ST8SIA3: variants seen among roughly 807,000 people sequenced by gnomAD.
The protein encoded by ST8SIA3 is ST8 alpha-N-acetyl-neuraminide alpha-2,8-sialyltransferase 3.
A neutral mutation model predicts 34.5 loss-of-function variants in ST8SIA3; 17 were observed. That is an observed-to-expected ratio of 0.49 (90% CI 0.34 to 0.74). The LOEUF (loss-of-function observed/expected upper bound fraction) is 0.74, where lower values mean the gene tolerates loss of function less well. ST8SIA3 is among the 30% of genes least tolerant of loss of function. ST8SIA3 has a pLI of 0.01. For missense variants in ST8SIA3, 354 were observed against 467.8 expected, an observed-to-expected ratio of 0.76 and a Z score of 2.24; for synonymous variants, 172 against 176.1, an observed-to-expected ratio of 0.98 and a Z score of 0.19.
chr18:57,352,675 C>T lies in ST8SIA3; in HGVS notation c.-172C>T, dbSNP rs765447264. Reference sequence around the variant, plus strand: ...TCCTGCCAGCCCCAACCCCCGGCCCCGGTGGCCTCCCCCCACCCCCGCCCG... The same window carrying T: ...TCCTGCCAGCCCCAACCCCCGGCCCTGGTGGCCTCCCCCCACCCCCGCCCG... On this transcript the variant is annotated 5_prime_UTR_variant, in exon 1 of 4. Coordinates refer to ENST00000324000, the MANE Select transcript of ST8SIA3 (RefSeq NM_015879.3). 2 of 391,764 alleles carry T rather than the reference C, an allele frequency of 5.1e-6. No homozygotes were observed. Among genetic ancestry groups the T allele is most frequent in the South Asian group, 1.9e-5 (1 of 53,268 alleles). 24.3% of individuals were successfully genotyped at this position (391,764 alleles called of 1,614,324 possible).
At chr18:57,355,238 T>C (rs1165769176) in intron 2 of ST8SIA3, among the ~76,000 whole-genome samples, 2 of 152,230 alleles carry the variant, frequency 1.3e-5, no homozygotes, top group Non-Finnish European at 2.9e-5. Context: ...TCAGTGATTC[T>C]GGTCTACTCT....
Position 57,360,534 on chromosome 18 carries a change from T to A in ST8SIA3, c.*257T>A, listed in dbSNP as rs2049824510. 2.2e-6 allele frequency: 1 copy of A among 453,342 alleles called. No individual in the cohort carries two copies. Among genetic ancestry groups the A allele is most frequent in the Non-Finnish European group, 3.9e-6 (1 of 255,292 alleles). The allele number at this position is 453,342 out of a possible 1,614,324, so 28.1% of individuals were successfully genotyped here. A position where few individuals can be genotyped will look rare whatever the true frequency, so the allele number is the denominator to read the frequency against. The stretch of plus-strand genomic sequence containing the variant: ...GGGACTATGCTGCTAACGAAATGGT[T>A]TGAAGTATTTTCATGTTTGGATTTT... On this transcript the variant is annotated 3_prime_UTR_variant, in exon 4 of 4. Coordinates refer to ENST00000324000, the MANE Select transcript of ST8SIA3 (RefSeq NM_015879.3).
rs767322017 is a variant in ST8SIA3, at chr18:57,354,449, C to A, written c.227C>A (p.Thr76Lys). ...KFLDPSFVPITNSLTQELQEK... is the reference protein window; with the variant it reads ...KFLDPSFVPIKNSLTQELQEK... ...CTAGACCCGTCATTCGTGCCCATTA[C>A]GAATTCTCTCACCCAGGAACTCCAA... Residue 76 changes from threonine to lysine, a missense_variant, in exon 2 of 4, where the codon ACG becomes AAG. Around this residue, in one of 3 missense-constraint regions of ST8SIA3, gnomAD observed 184 missense variants for 205.4 expected, o/e 0.90. Coordinates refer to ENST00000324000, the MANE Select transcript of ST8SIA3 (RefSeq NM_015879.3). 2 of 1,614,020 alleles carry A rather than the reference C, an allele frequency of 1.2e-6. No individual in the cohort carries two copies. Among genetic ancestry groups the A allele is most frequent in the Admixed American group, 1.7e-5 (1 of 60,002 alleles).
rs2049854272 is a variant in ST8SIA3, at chr18:57,365,275, A to G, written c.*4998A>G. ...CTAAATGCTTATCTCTCCTTGTGCGATTAGTTTCACATGTTCGTTGAGGTT... is the reference window on the plus strand; with the variant it reads ...CTAAATGCTTATCTCTCCTTGTGCGGTTAGTTTCACATGTTCGTTGAGGTT... On this transcript the variant is annotated 3_prime_UTR_variant, in exon 4 of 4. Transcript: ENST00000324000. 6.6e-6 allele frequency: 1 copy of G among 152,200 alleles called. No individual in the cohort carries two copies. Among genetic ancestry groups the G allele is most frequent in the Admixed American group, 6.5e-5 (1 of 15,284 alleles). The allele number at this position is 152,200 out of a possible 1,614,324, so 9.4% of individuals were successfully genotyped here.
chr18:57,354,802 G>A (rs2049789189), intron 2 of ST8SIA3, among the ~76,000 whole-genome samples: 1 of 149,896 alleles, frequency 6.7e-6, no homozygotes, highest in African/African-American at 2.5e-5. Context: ...GGGCTTGATT[G>A]AGCACCATGA....
At position 57,353,006 on chromosome 18, in the gene ST8SIA3, A is replaced by T. The variant is rs780919426; in HGVS notation, c.160A>T (p.Met54Leu). ...CAGCCCGGGGGCGCCCCGAATGTACATGTTCCACGCGGGATTCCGGTGAGT... is the reference window on the plus strand; with the variant it reads ...CAGCCCGGGGGCGCCCCGAATGTACTTGTTCCACGCGGGATTCCGGTGAGT... ...YASPGAPRMY[M>L]FHAGFRSQFA... is the part of the protein sequence containing the mutation. The change falls in exon 1 of 4, where the codon ATG (methionine) becomes TTG (leucine). Residue 54 changes from methionine (M) to leucine (L), a missense_variant. By Grantham distance (15) the Met-to-Leu change is conservative. Around this residue, in one of 3 missense-constraint regions of ST8SIA3, gnomAD observed 184 missense variants for 205.4 expected, o/e 0.90. Transcript: ENST00000324000. The T allele has an allele frequency of 6.2e-7, 1 of 1,609,406 alleles. No homozygotes were observed. The highest frequency in any genetic ancestry group is 1.1e-5 in the South Asian group (1 of 91,040).
At chr18:57,353,673 G>T (rs1213565270) in intron 1 of ST8SIA3, among the ~76,000 whole-genome samples, 1 of 152,130 alleles carries the variant, frequency 6.6e-6, no homozygotes, top group Non-Finnish European at 1.5e-5. Flanking sequence ...CGCCAGGTCG[G>T]AGTCACCGCT....
rs2049802802 is a variant in ST8SIA3 at position 57,357,105 on chromosome 18, T to G, written c.495T>G (p.Val165=). 2.5e-6 allele frequency: 4 copies of G among 1,614,072 alleles called. No individual in the cohort carries two copies. The East Asian group carries it at 8.9e-5, about 36-fold the overall frequency. ...AGCATTATAATATTTGTGCTGTGGT[T>G]GGAAATAGTGGGATCCTGACAGGGA... ...MNKHYNICAV[V]GNSGILTGSQ... The change falls in exon 3 of 4, where the codon GTT becomes GTG. Residue 165 remains valine, a synonymous_variant. Coordinates refer to ENST00000324000, the MANE Select transcript of ST8SIA3 (RefSeq NM_015879.3).
rs1313827776 is a variant in ST8SIA3 at position 57,363,733 on chromosome 18, G to A, written c.*3456G>A. On this transcript the variant is annotated 3_prime_UTR_variant, in exon 4 of 4. Transcript: ENST00000324000. ...AGACAACAAAGCGGTATTGACCTGA[G>A]ATCAAAGGAAGCAGGGACAATATTG... 3.9e-5 allele frequency: 6 copies of A among 152,344 alleles called. No individual in the cohort carries two copies. The East Asian group carries it at 9.6e-4, about 24-fold the overall frequency. The allele number at this position is 152,344 out of a possible 1,614,324, so 9.4% of individuals were successfully genotyped here.
chr18:57,353,482 C>T (rs1211522709), intron 1 of ST8SIA3, among the ~76,000 whole-genome samples: 2 of 152,152 alleles, frequency 1.3e-5, no homozygotes, highest in African/African-American at 4.8e-5. Flanking sequence ...ACTCCCCTCG[C>T]GCCCTCCTCC....
chr18:57,358,918 G>A (rs976865623), intron 3 of ST8SIA3, among the ~76,000 whole-genome samples: 1 of 152,164 alleles, frequency 6.6e-6, no homozygotes, highest in African/African-American at 2.4e-5. Context: ...TCCTTAGACA[G>A]GAATAGTAAA....
Position 57,352,755 on chromosome 18 carries a change from C to CACACACACACACACACATAT in ST8SIA3, c.-77_-76insCATATACACACACACACACA. 1 of 930,110 alleles carries CACACACACACACACACATAT rather than the reference C, an allele frequency of 1.1e-6. No homozygotes were observed. The highest frequency in any genetic ancestry group is 2.8e-5 in the East Asian group (1 of 36,254). The allele number at this position is 930,110 out of a possible 1,614,324, so 57.6% of individuals were successfully genotyped here. A position where few individuals can be genotyped will look rare whatever the true frequency, so the allele number is the denominator to read the frequency against. ...GCTCACACACACACACACACACACA[C>CACACACACACACACACATAT]ACACACACACACACATATATACACG... On this transcript the variant is annotated 5_prime_UTR_variant, in exon 1 of 4. Coordinates refer to ENST00000324000, the MANE Select transcript of ST8SIA3 (RefSeq NM_015879.3).
In ST8SIA3 at chr18:57,363,299, G is replaced by C. The variant is rs990459251; in HGVS notation, c.*3022G>C. The C allele has an allele frequency of 6.6e-6, 1 of 152,174 alleles. No individual in the cohort carries two copies. The highest frequency in any genetic ancestry group is 1.5e-5 in the Non-Finnish European group (1 of 68,038). 9.4% of individuals were successfully genotyped at this position (152,174 alleles called of 1,614,324 possible). ...GTGTCATATGCAGATGCAGATCCAA[G>C]GGAGACAGGGCTAAATGGTGGTGTC... On this transcript the variant is annotated 3_prime_UTR_variant, in exon 4 of 4. Coordinates refer to ENST00000324000, the MANE Select transcript of ST8SIA3 (RefSeq NM_015879.3).
At chr18:57,353,434 C>G (rs1380786915) in intron 1 of ST8SIA3, among the ~76,000 whole-genome samples, 2 of 152,120 alleles carry the variant, frequency 1.3e-5, no homozygotes, top group African/African-American at 2.4e-5. Context: ...CGGGCCGGGC[C>G]CGGGGCGGTG....
rs2049869607 is a variant in ST8SIA3 at position 57,367,888 on chromosome 18, T to C, written c.*7611T>C. On this transcript the variant is annotated 3_prime_UTR_variant, in exon 4 of 4. Transcript: ENST00000324000. Reference sequence around the variant, plus strand: ...CTGAGATCCGGTCACCAAGCATCATTAGTTAGCACTGAAATTCTCCCAGGA... The same window carrying C: ...CTGAGATCCGGTCACCAAGCATCATCAGTTAGCACTGAAATTCTCCCAGGA... 1 of 152,672 alleles carries C rather than the reference T, an allele frequency of 6.5e-6. No individual in the cohort carries two copies. Among genetic ancestry groups the C allele is most frequent in the South Asian group, 2.1e-4 (1 of 4,834 alleles). 9.5% of individuals were successfully genotyped at this position (152,672 alleles called of 1,614,324 possible).
rs1329266716 is a variant in ST8SIA3 at position 57,367,081 on chromosome 18, G to GA, written c.*6810dup. 4 of 152,152 alleles carry GA rather than the reference G, an allele frequency of 2.6e-5. No homozygotes were observed. The highest frequency in any genetic ancestry group is 5.9e-5 in the Non-Finnish European group (4 of 68,014). 9.4% of individuals were successfully genotyped at this position (152,152 alleles called of 1,614,324 possible). ...TAAATCTTTGGAGAGGCAATGCTGG[G>GA]AAAAAATATGCCTAATTCCTAGGAC... On this transcript the variant is annotated 3_prime_UTR_variant, in exon 4 of 4. Transcript: ENST00000324000.
At chr18:57,356,070 A>G (rs1342391569) in intron 2 of ST8SIA3, among the ~76,000 whole-genome samples, 1 of 152,230 alleles carries the variant, frequency 6.6e-6, no homozygotes, top group South Asian at 2.1e-4. Flanking sequence ...CAGCAGTAGC[A>G]TGTTACCAGT....
At chr18:57,355,111 A>C (rs11152013) in intron 2 of ST8SIA3, among the ~76,000 whole-genome samples, 5 of 152,192 alleles carry the variant, frequency 3.3e-5, no homozygotes, top group Admixed American at 1.3e-4. Flanking sequence ...CTGTAAAGGT[A>C]CCTAACTTAA....
At position 57,367,796 on chromosome 18, in the gene ST8SIA3, C is replaced by G. The variant is rs1182679334; in HGVS notation, c.*7519C>G. 2 of 152,652 alleles carry G rather than the reference C, an allele frequency of 1.3e-5. No homozygotes were observed. The highest frequency in any genetic ancestry group is 2.9e-5 in the Non-Finnish European group (2 of 68,056). 9.5% of individuals were successfully genotyped at this position (152,652 alleles called of 1,614,324 possible). ...CCATATTTCAAGATCCAGATCTGAA[C>G]CCATACTGTGCAGAAAAGCACAAGA... On this transcript the variant is annotated 3_prime_UTR_variant, in exon 4 of 4. Transcript: ENST00000324000.
Sources: gnomAD v4.1 joint callset for allele counts (sites outside exome capture counted in the v4.1 genomes callset) on GRCh38, gnomAD v4.1.1 for gene constraint, gnomAD v4.1.1 regional missense constraint, MANE v1.5 for transcripts, NCBI Gene and HGNC (gene_info 2026-07-23, HGNC 2026-07-21) for gene names.